FAM177A1: variants seen among roughly 807,000 people sequenced by gnomAD.
The protein encoded by FAM177A1 is protein FAM177A1.
A neutral mutation model predicts 26.1 loss-of-function variants in FAM177A1; 22 were observed. The ratio of observed to expected loss-of-function variants is 0.84; its 90% confidence interval spans 0.60 to 1.20. The LOEUF (loss-of-function observed/expected upper bound fraction) is 1.20, where lower values mean the gene tolerates loss of function less well. FAM177A1 is among the 50% of genes most tolerant of loss of function. The pLI, the probability that FAM177A1 is intolerant of heterozygous loss-of-function variation, is 0.00. For missense variants in FAM177A1, 296 were observed against 291.1 expected, an observed-to-expected ratio of 1.02 and a Z score of -0.12; for synonymous variants, 95 against 99.3, an observed-to-expected ratio of 0.96 and a Z score of 0.26.
At chr14:35,079,705 C>T (rs1240248866) in intron 4 of FAM177A1, among the ~76,000 whole-genome samples, 1 of 152,036 alleles carries the variant, frequency 6.6e-6, no homozygotes, top group African/African-American at 2.4e-5. Context: ...AGATTAAATA[C>T]ATTAATATAT....
chr14:35,051,982 A>G (rs893979632), intron 1 of FAM177A1, among the ~76,000 whole-genome samples: 6 of 152,242 alleles, frequency 3.9e-5, no homozygotes, highest in Admixed American at 1.3e-4. Context: ...ATGTTTGCTT[A>G]TAACCACAAG....
At chr14:35,048,076 C>T (rs117699879) in intron 1 of FAM177A1, among the ~76,000 whole-genome samples, 2 of 152,242 alleles carry the variant, frequency 1.3e-5, no homozygotes, top group East Asian at 3.9e-4. Context: ...ATATGGAATA[C>T]GTTTTTTCCC....
In FAM177A1 at chr14:35,081,254, C is replaced by T. The variant is rs1218698629; in HGVS notation, c.*26C>T. The T allele has an allele frequency of 6.4e-7, 1 of 1,566,828 alleles. No homozygotes were observed. The highest frequency in any genetic ancestry group is 8.6e-7 in the Non-Finnish European group (1 of 1,163,864). ...AATGAAATGACTATCAAGCTTCAAA[C>T]TCTTAAGTTTTTTTTTTTTAATACA... is the stretch of plus-strand genomic sequence containing the variant. On this transcript the variant is annotated 3_prime_UTR_variant, in exon 5 of 5. Coordinates refer to ENST00000280987, the MANE Select transcript of FAM177A1 (RefSeq NM_173607.5).
At chr14:35,052,362 C>G (rs1595037393) in intron 1 of FAM177A1, among the ~76,000 whole-genome samples, 1 of 151,900 alleles carries the variant, frequency 6.6e-6, no homozygotes, top group Non-Finnish European at 1.5e-5. Flanking sequence ...GTTGGGACTA[C>G]AGGCACCCGC....
chr14:35,074,599 T>TACAG (rs2045368223), intron 2 of FAM177A1, among the ~76,000 whole-genome samples: 2 of 151,884 alleles, frequency 1.3e-5, no homozygotes, highest in Admixed American at 6.6e-5. Flanking sequence ...GTGCTGGGAT[T>TACAG]ACAGACGTGA....
chr14:35,051,868 T>G (rs2044976971), intron 1 of FAM177A1, among the ~76,000 whole-genome samples: 1 of 152,244 alleles, frequency 6.6e-6, no homozygotes, highest in African/African-American at 2.4e-5. Context: ...AGCTTATACT[T>G]GCATAACTGG....
chr14:35,052,256 T>C (rs1233045941), intron 1 of FAM177A1, among the ~76,000 whole-genome samples: 1 of 152,014 alleles, frequency 6.6e-6, no homozygotes, highest in Non-Finnish European at 1.5e-5. Context: ...TTTCTTTTTT[T>C]TTTTCCGAGA....
At chr14:35,051,200 A>G (rs1275281674) in intron 1 of FAM177A1, among the ~76,000 whole-genome samples, 3 of 152,136 alleles carry the variant, frequency 2.0e-5, no homozygotes, top group African/African-American at 4.8e-5. Context: ...GCTCACTGCA[A>G]CCGCCACCTC....
intron 2 of FAM177A1, among the ~76,000 whole-genome samples, chr14:35,074,572 C>A (rs184797034): frequency 2.0e-4 from 31 of 151,944 alleles, no homozygotes; most frequent in African/African-American, 7.5e-4. Flanking sequence ...GTGATCCACC[C>A]GCCTCAGCCT....
chr14:35,065,609 C>T (rs573449777), intron 2 of FAM177A1, among the ~76,000 whole-genome samples: 3 of 151,890 alleles, frequency 2.0e-5, no homozygotes, highest in African/African-American at 7.2e-5. Flanking sequence ...ACCTGCTATG[C>T]ATTTCCTTCA....
intron 1 of FAM177A1, 87 bp from the exon 2 acceptor site, chr14:35,053,191 C>A: frequency 8.1e-7 from 1 of 1,230,994 alleles, no homozygotes; most frequent in Non-Finnish European, 1.1e-6. Flanking sequence ...TTCTTTACTA[C>A]AATAAACCTA....
At chr14:35,056,451 G>A (rs1054508812) in intron 2 of FAM177A1, among the ~76,000 whole-genome samples, 1 of 152,074 alleles carries the variant, frequency 6.6e-6, no homozygotes, top group Non-Finnish European at 1.5e-5. Flanking sequence ...TGCCTCCTGG[G>A]TTCAAGCAAT....
intron 1 of FAM177A1, chr14:35,050,346 T>C (rs1238043104): frequency 1.3e-5 from 2 of 152,128 alleles, no homozygotes; most frequent in Non-Finnish European, 2.9e-5. Context: ...GGATTTCTGG[T>C]TCAAGTTGAT....
chr14:35,065,357 CT>C (rs1181451849), intron 2 of FAM177A1, among the ~76,000 whole-genome samples: 8,952 of 91,876 alleles, frequency 0.097, 222 homozygotes, highest in Middle Eastern at 0.15. Flanking sequence ...TCCATTGAAT[CT>C]TTTTTTTTTT....
intron 2 of FAM177A1, among the ~76,000 whole-genome samples, chr14:35,058,993 T>C (rs2045106615): frequency 6.6e-6 from 1 of 152,146 alleles, no homozygotes; most frequent in South Asian, 2.1e-4. Context: ...TGGACTGCAG[T>C]GGCATGATCT....
upstream of FAM177A1, chr14:35,044,991 A>C (rs910707511): frequency 6.6e-6 from 1 of 152,224 alleles, no homozygotes; most frequent in African/African-American, 2.4e-5. Flanking sequence ...TTTAGTAATA[A>C]AGATTGTTGA....
chr14:35,067,979 C>T (rs2045265149), intron 2 of FAM177A1, among the ~76,000 whole-genome samples: 1 of 152,252 alleles, frequency 6.6e-6, no homozygotes, highest in South Asian at 2.1e-4. Context: ...TGGGTTGTCA[C>T]TTCACTGTGT....
At chr14:35,072,510 T>C (rs1190427057) in intron 2 of FAM177A1, among the ~76,000 whole-genome samples, 1 of 152,156 alleles carries the variant, frequency 6.6e-6, no homozygotes, top group Non-Finnish European at 1.5e-5. Context: ...TGGAAATACG[T>C]AGTAATTTCT....
At chr14:35,074,962 A>C (rs2045373336) in intron 2 of FAM177A1, among the ~76,000 whole-genome samples, 1 of 152,062 alleles carries the variant, frequency 6.6e-6, no homozygotes, top group African/African-American at 2.4e-5. Context: ...ACTTGAACCC[A>C]GGAGGCAGAG....
Sources: allele counts gnomAD v4.1 joint callset (sites outside exome capture counted in the v4.1 genomes callset), GRCh38; gene constraint gnomAD v4.1.1; transcripts MANE v1.5; gene names NCBI Gene and HGNC (gene_info 2026-07-23, HGNC 2026-07-21).